The following DOCK1 variants were observed in gnomAD, a reference collection of about 807,000 sequenced individuals.
The protein encoded by DOCK1 is dedicator of cytokinesis 1, also known as dedicator of cytokinesis protein 1.
A neutral mutation model predicts 262.7 loss-of-function variants in DOCK1; 138 were observed. That is an observed-to-expected ratio of 0.53 (90% CI 0.46 to 0.61). The LOEUF (loss-of-function observed/expected upper bound fraction) is 0.61. Ranked by LOEUF, DOCK1 falls within the 20% of genes least tolerant of loss-of-function variation. The pLI, the probability that DOCK1 is intolerant of heterozygous loss-of-function variation, is 0.00. For missense variants in DOCK1, 1,908 were observed against 2,370.7 expected (o/e 0.80, Z 4.05); for synonymous variants, 866 against 867.4 (o/e 1.00, Z 0.03).
chr10:127,382,680 GCAAATGTGAAGC>G (rs1472531801), intron 37 of DOCK1, among the ~76,000 whole-genome samples: 5 of 152,014 alleles, frequency 3.3e-5, no homozygotes, highest in Admixed American at 6.5e-5. Flanking sequence ...GGTGTTTTTT[GCAAATGTGAAGC>G]TATTTCTTTT....
chr10:127,418,633 T>C, intron 45 of DOCK1, 92 bp downstream of exon 45: 2 of 1,439,636 alleles, frequency 1.4e-6, no homozygotes, highest in Non-Finnish European at 1.8e-6. Flanking sequence ...GAAACGCCCC[T>C]GGTCTCATTG....
intron 29 of DOCK1, among the ~76,000 whole-genome samples, chr10:127,277,911 T>C (rs1564959194): frequency 6.9e-6 from 1 of 145,100 alleles, no homozygotes; most frequent in Non-Finnish European, 1.5e-5. Context: ...GAATTCGTTT[T>C]CATGTAAAAG....
In DOCK1 at chr10:127,140,215, G is replaced by C. The variant is rs1426677310; in HGVS notation, c.2847+12451G>C. ...ATTAAGCAACTACACTGGGAATCCT[G>C]TTATTAACCAATTTATCACACCAAG... On this transcript the variant is annotated intron_variant, in intron 27 of 51. Coordinates refer to ENST00000623213, the MANE Select transcript of DOCK1 (RefSeq NM_001290223.2). 5.9e-5 allele frequency among the ~76,000 whole-genome samples: 9 copies of C among 152,176 alleles called. 1 individual carries two copies. Among genetic ancestry groups the C allele is most frequent in the Admixed American group, 3.9e-4 (6 of 15,286 alleles).
At chr10:127,191,204 C>T (rs530570500) in intron 27 of DOCK1, among the ~76,000 whole-genome samples, 1 of 152,292 alleles carries the variant, frequency 6.6e-6, no homozygotes, top group Non-Finnish European at 1.5e-5. Flanking sequence ...CACTCTCTGC[C>T]TGTAATCTCC....
At chr10:126,933,333 A>G (rs1341782380) in intron 1 of DOCK1, among the ~76,000 whole-genome samples, 1 of 152,216 alleles carries the variant, frequency 6.6e-6, no homozygotes, top group African/African-American at 2.4e-5. Flanking sequence ...TGTAAGTGCC[A>G]AGATGAGAAA....
chr10:126,926,834 T>G (rs556920448), intron 1 of DOCK1, among the ~76,000 whole-genome samples: 2 of 152,106 alleles, frequency 1.3e-5, no homozygotes, highest in Non-Finnish European at 2.9e-5. Flanking sequence ...CCCAGAGGGT[T>G]TGGAGGGAGC....
chr10:127,254,248 T>C (rs940771377), intron 28 of DOCK1, among the ~76,000 whole-genome samples: 8 of 152,256 alleles, frequency 5.3e-5, no homozygotes, highest in African/African-American at 1.9e-4. Context: ...TGTTTTATTT[T>C]CTTTTCATAG....
At chr10:127,092,395 C>T (rs756696212) in intron 23 of DOCK1, among the ~76,000 whole-genome samples, 26 of 152,174 alleles carry the variant, frequency 1.7e-4, no homozygotes, top group Non-Finnish European at 2.4e-4. Flanking sequence ...TGGCACTGGC[C>T]GCCCTCTGTG....
Position 127,176,545 on chromosome 10 carries a change from A to G in DOCK1, c.2847+48781A>G. 1 of 661,356 alleles carries G rather than the reference A, an allele frequency of 1.5e-6. No homozygotes were observed. The highest frequency in any genetic ancestry group is 2.5e-6 in the Non-Finnish European group (1 of 394,224). 41.0% of individuals were successfully genotyped at this position (661,356 alleles called of 1,614,324 possible). A position where few individuals can be genotyped will look rare whatever the true frequency, so the allele number is the denominator to read the frequency against. ...GAGGTCGGCCTTTATGTTAAGGAAA[A>G]TCACACGGGCTGAGAGTCGCTGGCA... is the stretch of plus-strand genomic sequence containing the variant. On this transcript the variant is annotated intron_variant, in intron 27 of 51. Coordinates refer to ENST00000623213, the MANE Select transcript of DOCK1 (RefSeq NM_001290223.2). This position sits in a 1 kb window ranked among gnomAD's most constrained non-coding sequence, Gnocchi z 4.4.
At position 127,286,915 on chromosome 10, in the gene DOCK1, G is replaced by A. The variant is rs528345672; in HGVS notation, c.3044+29486G>A. On this transcript the variant is annotated intron_variant, in intron 29 of 51. Transcript: ENST00000623213. ...TTTTGAGAGAGAGTCTTGCTCTGTCGCCCAGGCTGGAGTGCAGTGGCACAA... is the reference window on the plus strand; with the variant it reads ...TTTTGAGAGAGAGTCTTGCTCTGTCACCCAGGCTGGAGTGCAGTGGCACAA... Among the ~76,000 whole-genome samples, 551 of 145,716 alleles carry A rather than the reference G, an allele frequency of 3.8e-3. 4 individuals are homozygous for A. Among genetic ancestry groups the A allele is most frequent in the Non-Finnish European group, 5.5e-3 (367 of 66,980 alleles).
At chr10:127,292,229 A>T (rs7914531) in intron 29 of DOCK1, among the ~76,000 whole-genome samples, 12 of 146,198 alleles carry the variant, frequency 8.2e-5, no homozygotes, top group African/African-American at 2.2e-4. Flanking sequence ...TTTTCGGGGG[A>T]GGGGGGGCCC....
chr10:127,025,011 T>C (rs1176334361), intron 15 of DOCK1: 2 of 411,418 alleles, frequency 4.9e-6, no homozygotes, highest in South Asian at 4.5e-5. Context: ...TGGAGACAAA[T>C]GACAGAGTCT....
intron 12 of DOCK1, chr10:127,015,874 C>G (rs2041839924): frequency 6.5e-6 from 1 of 152,750 alleles, no homozygotes; most frequent in South Asian, 2.1e-4. Context: ...GCCCCCCATC[C>G]TTCAGATAGA....
chr10:127,269,196 A>C, intron 29 of DOCK1, among the ~76,000 whole-genome samples: 1 of 152,168 alleles, frequency 6.6e-6, no homozygotes, highest in East Asian at 1.9e-4. Context: ...TAAATGAGAA[A>C]GCGCATGTGG....
At chr10:127,194,062 G>A (rs1226881906) in intron 27 of DOCK1, among the ~76,000 whole-genome samples, 1 of 152,220 alleles carries the variant, frequency 6.6e-6, no homozygotes, top group Non-Finnish European at 1.5e-5. Context: ...AAAGACATAT[G>A]TAGCTTTTCA....
At chr10:126,929,651 G>C (rs1270449098) in intron 1 of DOCK1, among the ~76,000 whole-genome samples, 1 of 152,126 alleles carries the variant, frequency 6.6e-6, no homozygotes, top group East Asian at 1.9e-4. Flanking sequence ...GTGAGGGCCA[G>C]GAGTGCTCAG....
intron 29 of DOCK1, among the ~76,000 whole-genome samples, chr10:127,286,117 C>T (rs1233564891): frequency 6.6e-6 from 1 of 152,088 alleles, no homozygotes; most frequent in Non-Finnish European, 1.5e-5. Context: ...CATGTGTAGG[C>T]CTGAATCGTG....
At chr10:126,978,057 A>T in intron 3 of DOCK1, 69 bp downstream of exon 3, 1 of 1,446,432 alleles carries the variant, frequency 6.9e-7, no homozygotes, top group Non-Finnish European at 9.7e-7. Flanking sequence ...AATCAATTCC[A>T]TCTCATTTGT....
intron 38 of DOCK1, among the ~76,000 whole-genome samples, chr10:127,394,911 C>T (rs1038507797): frequency 3.3e-5 from 5 of 152,166 alleles, no homozygotes; most frequent in African/African-American, 7.2e-5. Flanking sequence ...CACAGGTGGG[C>T]GCTGGGTCTC....
Sources: allele counts gnomAD v4.1 joint callset (sites outside exome capture counted in the v4.1 genomes callset), GRCh38; gene constraint gnomAD v4.1.1; non-coding constraint Gnocchi (gnomAD v3.1); transcripts MANE v1.5; gene names NCBI Gene and HGNC (gene_info 2026-07-23, HGNC 2026-07-21).